The following MTHFD1L variants were observed in gnomAD, a reference collection of about 807,000 sequenced individuals.
MTHFD1L encodes the protein monofunctional C1-tetrahydrofolate synthase, mitochondrial.
MTHFD1L carries 81 observed loss-of-function variants against 119.5 expected under a neutral mutation model. The ratio of observed to expected loss-of-function variants is 0.68; its 90% CI spans 0.57 to 0.82. The LOEUF (loss-of-function observed/expected upper bound fraction) is 0.82, where lower values mean the gene tolerates loss of function less well. MTHFD1L is among the 40% of genes least tolerant of loss of function. The pLI is 0.00. For missense variants in MTHFD1L, 1,125 were observed against 1,253.4 expected (o/e 0.90, Z 1.55); for synonymous variants, 430 against 475.2 (o/e 0.90, Z 1.24).
At chr6:150,923,540 T>TATTTATTTATTTATTTATTC (rs57115594) in intron 10 of MTHFD1L, among the ~76,000 whole-genome samples, 1 of 99,142 alleles carries the variant, frequency 1.0e-5, no homozygotes, top group East Asian at 2.7e-4. Flanking sequence ...TTTATTTATT[T>TATTTATTTATTTATTTATTC]TTTCTTTTTT....
At chr6:151,042,084 C>G (rs2128552624) in intron 26 of MTHFD1L, 2 of 324,684 alleles carry the variant, frequency 6.2e-6, no homozygotes, top group East Asian at 1.7e-4. Context: ...CTTCACTAGT[C>G]TATTTCACTG....
intron 26 of MTHFD1L, among the ~76,000 whole-genome samples, chr6:151,048,695 G>A (rs931287471): frequency 5.3e-5 from 8 of 152,140 alleles, no homozygotes; most frequent in Admixed American, 3.3e-4. Flanking sequence ...CTCTCTTGTC[G>A]AACCAGTTAC....
intron 24 of MTHFD1L, among the ~76,000 whole-genome samples, chr6:151,026,172 G>A (rs1462259237): frequency 6.6e-6 from 1 of 152,168 alleles, no homozygotes; most frequent in Non-Finnish European, 1.5e-5. Flanking sequence ...AAGCTATACT[G>A]TTTAACTTTG....
At chr6:151,010,370 CT>C (rs1484282569) in intron 21 of MTHFD1L, among the ~76,000 whole-genome samples, 1 of 152,126 alleles carries the variant, frequency 6.6e-6, no homozygotes. Context: ...AGAGTGAGTT[CT>C]TTGATGACAG....
At chr6:151,088,623 A>ATTTTTTTTTTTTTTTTTTTTT (rs71014539) in intron 26 of MTHFD1L, among the ~76,000 whole-genome samples, 2 of 128,640 alleles carry the variant, frequency 1.6e-5, no homozygotes, top group Admixed American at 8.5e-5. Flanking sequence ...CACCCAGCTA[A>ATTTTTTTTTTTTTTTTTTTTT]TTTTTTTTTT....
intron 27 of MTHFD1L, among the ~76,000 whole-genome samples, chr6:151,093,708 TC>T (rs912602947): frequency 1.3e-5 from 2 of 151,500 alleles, no homozygotes; most frequent in African/African-American, 4.9e-5. Context: ...CTTAAGCATA[TC>T]TTTTAGGGGA....
chr6:151,076,278 C>G (rs1044411001), intron 26 of MTHFD1L, among the ~76,000 whole-genome samples: 4 of 152,092 alleles, frequency 2.6e-5, no homozygotes, highest in African/African-American at 9.7e-5. Context: ...TGCTTGAGCC[C>G]AGGTTGAGGC....
At chr6:150,958,621 G>C (rs1165502170) in intron 17 of MTHFD1L, among the ~76,000 whole-genome samples, 1 of 151,920 alleles carries the variant, frequency 6.6e-6, no homozygotes, top group Admixed American at 6.6e-5. Flanking sequence ...TTGCATACCT[G>C]TATCAGAATA....
Position 151,078,052 on chromosome 6 carries a change from C to CAAAAAAAAAA in MTHFD1L, c.2848-14402_2848-14393dup, listed in dbSNP as rs71014538. ...TGGGCGACAGAGCAAGACTCTGTCT[C>CAAAAAAAAAA]AAAAAAAAAAAAAAAAAAAAAATCA... is the stretch of plus-strand genomic sequence containing the variant. On this transcript the variant is annotated intron_variant, in intron 26 of 27. Coordinates refer to ENST00000367321, the MANE Select transcript of MTHFD1L (RefSeq NM_015440.5). Among the ~76,000 whole-genome samples, 4 of 59,930 alleles carry CAAAAAAAAAA rather than the reference C, an allele frequency of 6.7e-5. 1 individual carries two copies. Among genetic ancestry groups the CAAAAAAAAAA allele is most frequent in the Non-Finnish European group, 1.2e-4 (4 of 32,480 alleles). The allele number at this position is 59,930 out of a possible 152,430, so 39.3% of individuals were successfully genotyped here.
At chr6:151,010,037 G>A (rs1002322087) in intron 21 of MTHFD1L, 79 bp downstream of exon 21, 31 of 1,463,030 alleles carry the variant, frequency 2.1e-5, no homozygotes, top group Admixed American at 1.4e-4. Flanking sequence ...AAAAATTCCT[G>A]CCCATTTAAT....
intron 21 of MTHFD1L, among the ~76,000 whole-genome samples, chr6:151,013,404 T>A (rs978691065): frequency 6.6e-6 from 1 of 152,242 alleles, no homozygotes; most frequent in African/African-American, 2.4e-5. Context: ...CGAATGGTGA[T>A]GTACTCTGTA....
intron 20 of MTHFD1L, among the ~76,000 whole-genome samples, chr6:150,975,116 A>G (rs1485726666): frequency 2.6e-5 from 4 of 152,196 alleles, no homozygotes; most frequent in South Asian, 4.1e-4. Flanking sequence ...CTCATCCTAC[A>G]TTGGACATTT....
chr6:151,077,912 G>T (rs375862057), intron 26 of MTHFD1L, among the ~76,000 whole-genome samples: 3 of 150,978 alleles, frequency 2.0e-5, no homozygotes, highest in African/African-American at 7.3e-5. Flanking sequence ...TTAGCCGGGC[G>T]TGGTGGCAGG....
intron 20 of MTHFD1L, among the ~76,000 whole-genome samples, chr6:151,002,893 G>A (rs1353697752): frequency 6.6e-6 from 1 of 152,200 alleles, no homozygotes; most frequent in Non-Finnish European, 1.5e-5. Context: ...ATTCCTTGTT[G>A]GCGGGGGGAG....
chr6:150,968,782 T>C (rs1583862428), intron 19 of MTHFD1L, among the ~76,000 whole-genome samples: 1 of 150,318 alleles, frequency 6.7e-6, no homozygotes, highest in African/African-American at 2.5e-5. Context: ...CCCAAAGTGC[T>C]GGAATTACAG....
At chr6:150,932,671 G>A (rs889700521) in intron 11 of MTHFD1L, among the ~76,000 whole-genome samples, 4 of 152,036 alleles carry the variant, frequency 2.6e-5, no homozygotes, top group Admixed American at 2.0e-4. Flanking sequence ...AGGAGGCCGA[G>A]GCAGGAGAAT....
chr6:150,969,425 G>A (rs1231800849), intron 19 of MTHFD1L, among the ~76,000 whole-genome samples: 3 of 151,996 alleles, frequency 2.0e-5, no homozygotes, highest in African/African-American at 4.8e-5. Context: ...GAACCGGGGA[G>A]GTGGAGGTTG....
At chr6:150,948,335 T>C (rs1168978664) in intron 15 of MTHFD1L, among the ~76,000 whole-genome samples, 1 of 151,762 alleles carries the variant, frequency 6.6e-6, no homozygotes, top group African/African-American at 2.4e-5. Context: ...TTTGGTTTTT[T>C]TGGAGACAGA....
chr6:151,008,317 G>A (rs1014791807), intron 20 of MTHFD1L, among the ~76,000 whole-genome samples: 9 of 152,150 alleles, frequency 5.9e-5, no homozygotes, highest in Non-Finnish European at 1.2e-4. Flanking sequence ...CGCCAGTTCC[G>A]ATCGGTGTCC....
Sources: allele counts gnomAD v4.1 joint callset (sites outside exome capture counted in the v4.1 genomes callset), GRCh38; gene constraint gnomAD v4.1.1; transcripts MANE v1.5; gene names NCBI Gene and HGNC (gene_info 2026-07-23, HGNC 2026-07-21).